The following ADGRD1 variants were observed in gnomAD, a reference collection of about 807,000 sequenced individuals.
ADGRD1 encodes adhesion G protein-coupled receptor D1.
In ADGRD1, 77 loss-of-function variants were observed where a neutral mutation model predicts 113.4. The ratio of observed to expected loss-of-function variants is 0.68; its 90% CI spans 0.57 to 0.82. The LOEUF is 0.82. Among genes scored for constraint, ADGRD1 ranks in the 40% least tolerant of loss-of-function variants. The pLI, the probability that ADGRD1 is intolerant of heterozygous loss-of-function variation, is 0.00. For missense variants in ADGRD1, 1,036 were observed against 1,139.1 expected (o/e 0.91, Z 1.30); for synonymous variants, 474 against 475.0 (o/e 1.00, Z 0.03).
intron 17 of ADGRD1, 115 bp from the exon 18 acceptor site, chr12:131,108,609 A>G: frequency 7.1e-7 from 1 of 1,408,484 alleles, no homozygotes; most frequent in Non-Finnish European, 9.9e-7. Flanking sequence ...GGGAAGAAAC[A>G]TGGTCACATG....
In ADGRD1 at chr12:131,022,490, C is replaced by T. The variant is rs1036954750; in HGVS notation, c.1473+8150C>T. On this transcript the variant is annotated intron_variant, in intron 13 of 24. Transcript: ENST00000261654. This position sits in a 1 kb window ranked among gnomAD's most constrained non-coding sequence, Gnocchi z 4.6. The stretch of plus-strand genomic sequence containing the variant: ...TTGGAATTCTGTGATAAGTACAAAC[C>T]GTGATTTATTTATTCAGTTGCTGGT... Among the ~76,000 whole-genome samples, 4 of 152,112 alleles carry T rather than the reference C, an allele frequency of 2.6e-5. No individual in the cohort carries two copies. Among genetic ancestry groups the T allele is most frequent in the African/African-American group, 4.8e-5 (2 of 41,406 alleles).
At chr12:131,122,019 G>A (rs933837312) in intron 20 of ADGRD1, 4 of 152,352 alleles carry the variant, frequency 2.6e-5, no homozygotes, top group Non-Finnish European at 4.4e-5. Flanking sequence ...GTGATCAGAG[G>A]GTGTGACCTC....
intron 12 of ADGRD1, among the ~76,000 whole-genome samples, chr12:131,007,704 G>A (rs1186374919): frequency 1.3e-5 from 2 of 152,262 alleles, no homozygotes; most frequent in Non-Finnish European, 1.5e-5. Flanking sequence ...TGGTTCGTCA[G>A]CATTGACACC....
intron 15 of ADGRD1, among the ~76,000 whole-genome samples, chr12:131,093,948 AG>A: frequency 7.3e-6 from 1 of 136,862 alleles, no homozygotes; most frequent in Admixed American, 7.2e-5. Context: ...CAGCCTCAGC[AG>A]CACCCAGCCT....
At chr12:131,083,077 C>T (rs537759644) in intron 14 of ADGRD1, among the ~76,000 whole-genome samples, 28 of 152,338 alleles carry the variant, frequency 1.8e-4, no homozygotes, top group African/African-American at 6.3e-4. Context: ...GGGTCTTCAT[C>T]GGTCATGCCA....
chr12:131,053,567 T>C (rs1883592711), intron 13 of ADGRD1, among the ~76,000 whole-genome samples: 2 of 152,298 alleles, frequency 1.3e-5, no homozygotes, highest in Admixed American at 1.3e-4. Context: ...TAAACAGGGC[T>C]GTTTTTAAGA....
At position 131,094,001 on chromosome 12, in the gene ADGRD1, G is replaced by C. The variant is rs986404440; in HGVS notation, c.1671+9338G>C. ...GCACCCAGCCTCAGCACCCAGCCCT[G>C]AGCACCCAGCCTCAGCACCCAGCGT... On this transcript the variant is annotated intron_variant, in intron 15 of 24. Transcript: ENST00000261654. Among the ~76,000 whole-genome samples, 97 of 61,982 alleles carry C rather than the reference G, an allele frequency of 1.6e-3. No individual in the cohort carries two copies. The East Asian group carries it at 0.028, about 18-fold the overall frequency. 40.7% of individuals were successfully genotyped at this position (61,982 alleles called of 152,430 possible). A position where few individuals can be genotyped will look rare whatever the true frequency, so the allele number is the denominator to read the frequency against.
At chr12:130,997,584 G>T (rs950014596) in intron 8 of ADGRD1, among the ~76,000 whole-genome samples, 1 of 151,328 alleles carries the variant, frequency 6.6e-6, no homozygotes, top group African/African-American at 2.4e-5. Flanking sequence ...GGGCAAAGGC[G>T]CTCCCCACAT....
chr12:130,992,478 G>A (rs1874548565), intron 8 of ADGRD1, 86 bp downstream of exon 8: 1 of 1,225,940 alleles, frequency 8.2e-7, no homozygotes, highest in Non-Finnish European at 1.1e-6. Context: ...CCTAGATCGA[G>A]TTTAAAAAAA....
At position 130,965,003 on chromosome 12, in the gene ADGRD1, C is replaced by T. The variant is rs770945363; in HGVS notation, c.104-1460C>T. ...TACTCATAGATTAAAGTATAGTTTA[C>T]GACATTGAGTCGGCTTTTCCAAGAA... On this transcript the variant is annotated intron_variant, in intron 2 of 24. Coordinates refer to ENST00000261654, the MANE Select transcript of ADGRD1 (RefSeq NM_198827.5). The surrounding 1 kb of genome is among the most constrained non-coding windows in gnomAD (Gnocchi z 4.8). 7.9e-5 allele frequency among the ~76,000 whole-genome samples: 12 copies of T among 152,304 alleles called. No individual in the cohort carries two copies. The highest frequency in any genetic ancestry group is 1.6e-4 in the Non-Finnish European group (11 of 68,026).
At position 131,108,849 on chromosome 12, in the gene ADGRD1, G is replaced by A. The variant is rs1188978095; in HGVS notation, c.2013G>A (p.Lys671=). Residue 671 remains lysine (K), a synonymous_variant, in exon 18 of 25, where the codon AAG becomes AAA. Coordinates refer to ENST00000261654, the MANE Select transcript of ADGRD1 (RefSeq NM_198827.5). ...AGGTCTTTGGGTCGGAGGACAGCAA[G>A]CACCGTTACTACTATGGGATGGGAT... ...VIKVFGSEDS[K]HRYYYGMGWG... is the part of the protein sequence containing the mutation. 4 of 1,590,374 alleles carry A rather than the reference G, an allele frequency of 2.5e-6. No individual in the cohort carries two copies. Among genetic ancestry groups the A allele is most frequent in the Non-Finnish European group, 2.6e-6 (3 of 1,168,502 alleles).
chr12:131,139,231 T>C lies in ADGRD1; in HGVS notation c.2593T>C (p.Ser865Pro). 1 of 1,613,054 alleles carries C rather than the reference T, an allele frequency of 6.2e-7. No homozygotes were observed. Among genetic ancestry groups the C allele is most frequent in the South Asian group, 1.1e-5 (1 of 91,016 alleles). ...CAGCCCTTGGGACAAGAGCAGCCAC[T>C]CTGCCCACCGCGTCGACCTGTCAGC... Reference protein sequence around the residue: ...KLSPWDKSSHSAHRVDLSAV With the variant: ...KLSPWDKSSHPAHRVDLSAV Residue 865 changes from serine (S) to proline (P), a missense_variant, in exon 25 of 25, where the codon TCT becomes CCT. By Grantham distance (74) the Ser-to-Pro change is moderately conservative. Transcript: ENST00000261654.
chr12:131,099,073 C>T (rs969930746), intron 15 of ADGRD1, among the ~76,000 whole-genome samples: 1 of 152,248 alleles, frequency 6.6e-6, no homozygotes, highest in Non-Finnish European at 1.5e-5. Flanking sequence ...TTCTGTGATT[C>T]TCCATGATGC....
At chr12:130,993,372 T>TTTCTTTCATTCA (rs71451391) in intron 8 of ADGRD1, among the ~76,000 whole-genome samples, 1 of 141,020 alleles carries the variant, frequency 7.1e-6, no homozygotes, top group South Asian at 2.4e-4. Context: ...ACTTCTCAGA[T>TTTCTTTCATTCA]TTCATTCATT....
intron 14 of ADGRD1, among the ~76,000 whole-genome samples, chr12:131,082,364 G>C (rs1886138427): frequency 6.6e-6 from 1 of 152,182 alleles, no homozygotes; most frequent in African/African-American, 2.4e-5. Flanking sequence ...CAAGCTGCAA[G>C]CCTGCCTCTT....
intron 13 of ADGRD1, among the ~76,000 whole-genome samples, chr12:131,047,610 G>A (rs1029687677): frequency 2.0e-5 from 3 of 152,180 alleles, no homozygotes; most frequent in East Asian, 1.9e-4. Flanking sequence ...TTCCTCTGCC[G>A]GGCTGGGGCT....
chr12:131,074,257 ACT>A (rs886940763), intron 13 of ADGRD1, among the ~76,000 whole-genome samples: 1 of 152,064 alleles, frequency 6.6e-6, no homozygotes, highest in African/African-American at 2.4e-5. Context: ...GCTCACAGGC[ACT>A]CCCCATTAGA....
chr12:131,004,310 C>T lies in ADGRD1; in HGVS notation c.1255+14C>T, dbSNP rs536228428. The T allele has an allele frequency of 9.0e-6, 14 of 1,552,930 alleles. No individual in the cohort carries two copies. The highest frequency in any genetic ancestry group is 5.6e-5 in the South Asian group (5 of 89,626). On this transcript the variant is annotated intron_variant, in intron 11 of 24. Coordinates refer to ENST00000261654, the MANE Select transcript of ADGRD1 (RefSeq NM_198827.5). ...TCCACAGGCACGGTGAGTGTGGCTG[C>T]GCTGGACTCCCTTCCGGGGCGGCTC...
intron 8 of ADGRD1, among the ~76,000 whole-genome samples, chr12:130,999,729 C>T (rs143816881): frequency 0.014 from 2,092 of 152,228 alleles, 28 homozygotes; most frequent in Middle Eastern, 0.037. Flanking sequence ...TCCACTAAGC[C>T]GGTGCCGCTC....
Sources: allele counts gnomAD v4.1 joint callset (sites outside exome capture counted in the v4.1 genomes callset), GRCh38; gene constraint gnomAD v4.1.1; non-coding constraint Gnocchi (gnomAD v3.1); transcripts MANE v1.5; gene names NCBI Gene and HGNC (gene_info 2026-07-23, HGNC 2026-07-21).